The following NCOR2 variants were observed in gnomAD, a reference collection of about 807,000 sequenced individuals.
NCOR2 encodes nuclear receptor corepressor 2.
Under a neutral mutation model 262.9 loss-of-function variants are expected in NCOR2, and 81 were observed. That is an observed-to-expected ratio of 0.31 (90% CI 0.26 to 0.37). The LOEUF is 0.37. Ranked by LOEUF, NCOR2 falls within the 10% of genes least tolerant of loss-of-function variation. The pLI is 1.00. For missense variants in NCOR2, 3,385 were observed against 3,621.4 expected, an observed-to-expected ratio of 0.93 and a Z score of 1.68; for synonymous variants, 1,659 against 1,559.3, an observed-to-expected ratio of 1.06 and a Z score of -1.51.
In NCOR2 at chr12:124,340,472, C is replaced by A. The variant is rs200341292; in HGVS notation, c.5339-29G>T. 8.9e-5 allele frequency: 142 copies of A among 1,602,986 alleles called. No individual in the cohort carries two copies. In the African/African-American group the frequency reaches 1.7e-3, roughly 20 times the overall value. On this transcript the variant is annotated intron_variant, in intron 35 of 46. Transcript: ENST00000405201. ...GGAAACCCAAAGGCCAGAGACTCAG[C>A]CCCAGGGCCGAAGAAGAGCCTGGCT... is the stretch of plus-strand genomic sequence containing the variant.
chr12:124,396,680 G>A (rs543982678), intron 16 of NCOR2, among the ~76,000 whole-genome samples: 10 of 152,270 alleles, frequency 6.6e-5, no homozygotes, highest in East Asian at 1.9e-4. Context: ...CCTGGGGGGC[G>A]GAGGGCAGAC....
chr12:124,330,747 T>TCCTCGAGG, intron 44 of NCOR2, 98 bp downstream of exon 46: 1 of 1,330,924 alleles, frequency 7.5e-7, no homozygotes, highest in South Asian at 1.3e-5. Context: ...ACACCCAGAC[T>TCCTCGAGG]AGCGAAGGCT....
At chr12:124,334,065 AT>A (rs2135770400) in intron 41 of NCOR2, among the ~76,000 whole-genome samples, 1 of 136,740 alleles carries the variant, frequency 7.3e-6, no homozygotes, top group South Asian at 2.3e-4. Flanking sequence ...CCTGGAACAA[AT>A]CCCCCTCTGT....
intron 13 of NCOR2, among the ~76,000 whole-genome samples, chr12:124,404,717 G>A (rs182764565): frequency 1.5e-3 from 221 of 152,346 alleles, no homozygotes; most frequent in African/African-American, 5.2e-3. Flanking sequence ...GGCTGGTACA[G>A]AGGAGAAAAT....
intron 8 of NCOR2, among the ~76,000 whole-genome samples, chr12:124,431,185 C>T (rs1163116925): frequency 6.8e-6 from 1 of 146,522 alleles, no homozygotes; most frequent in Non-Finnish European, 1.5e-5. Context: ...CAAAGTCACA[C>T]AGACATGCAC....
chr12:124,487,426 T>A (rs1593781845), intron 1 of NCOR2, among the ~76,000 whole-genome samples: 1 of 152,254 alleles, frequency 6.6e-6, no homozygotes. Context: ...CCGTCGTCCA[T>A]TTGACAAAGA....
chr12:124,403,186 G>T (rs1267557830), intron 13 of NCOR2, among the ~76,000 whole-genome samples: 9 of 152,140 alleles, frequency 5.9e-5, no homozygotes, highest in Non-Finnish European at 1.3e-4. Context: ...ACGGGGAGGT[G>T]GGGGGATGCC....
intron 4 of NCOR2, among the ~76,000 whole-genome samples, chr12:124,470,167 G>GAAAAAA (rs56145231): frequency 9.5e-6 from 1 of 104,840 alleles, no homozygotes; most frequent in Non-Finnish European, 2.0e-5. Flanking sequence ...ATCCATCTCA[G>GAAAAAA]AAAAAAAAAA....
intron 1 of NCOR2, among the ~76,000 whole-genome samples, chr12:124,505,769 G>A (rs926157904): frequency 2.0e-5 from 3 of 152,140 alleles, no homozygotes; most frequent in South Asian, 2.1e-4. Context: ...CCGACCACTC[G>A]GGGGAAGGAG....
rs2047454102 is a variant in NCOR2 at position 124,481,147 on chromosome 12, AAG to A, written c.411+2447_411+2448del. ...CAGGGGGGCTGTTTGGGTGGAAAGA[AAG>A]AGAGGGAGGAAGAAGGAGGGAGGAA... On this transcript the variant is annotated intron_variant, in intron 3 of 46. Transcript: ENST00000405201. This position sits in a 1 kb window ranked among gnomAD's most constrained non-coding sequence, Gnocchi z 4.6. Among the ~76,000 whole-genome samples, 1 of 151,458 alleles carries A rather than the reference AAG, an allele frequency of 6.6e-6. No homozygotes were observed. The highest frequency in any genetic ancestry group is 2.4e-5 in the African/African-American group (1 of 41,192).
At chr12:124,337,917 C>T (rs7138007) in intron 37 of NCOR2, among the ~76,000 whole-genome samples, 25,935 of 152,204 alleles carry the variant, frequency 0.17, 2,446 homozygotes, top group East Asian at 0.42. Context: ...CATTCATGAG[C>T]GGGCAGTGGG....
At chr12:124,437,247 CT>C (rs2044395148) in intron 8 of NCOR2, among the ~76,000 whole-genome samples, 1 of 152,216 alleles carries the variant, frequency 6.6e-6, no homozygotes, top group Non-Finnish European at 1.5e-5. Context: ...TGAGTCCGCG[CT>C]TCTTCCCCTG....
intron 17 of NCOR2, among the ~76,000 whole-genome samples, chr12:124,381,653 C>T (rs1414547792): frequency 3.9e-5 from 6 of 152,332 alleles, no homozygotes; most frequent in Admixed American, 6.5e-5. Context: ...AGTTGAGGAG[C>T]TCAGATTTGA....
chr12:124,518,861 C>G (rs536397564), intron 1 of NCOR2, among the ~76,000 whole-genome samples: 2 of 152,210 alleles, frequency 1.3e-5, no homozygotes, highest in Admixed American at 6.5e-5. Flanking sequence ...CCAACCTGAG[C>G]GTAGCTCTGG....
intron 1 of NCOR2, among the ~76,000 whole-genome samples, chr12:124,501,224 A>G (rs1229509646): frequency 6.6e-6 from 1 of 152,014 alleles, no homozygotes; most frequent in East Asian, 1.9e-4. Flanking sequence ...CCCTGCGAAG[A>G]CAGGCAGGCC....
At chr12:124,335,895 G>A (rs1250360190) in intron 38 of NCOR2, 2 of 495,374 alleles carry the variant, frequency 4.0e-6, no homozygotes, top group South Asian at 3.3e-5. Flanking sequence ...TAGGCAAGAA[G>A]GGACAGAGAT....
At position 124,549,477 on chromosome 12, in the gene NCOR2, C is replaced by CT. The variant is rs1345725231; in HGVS notation, c.-164-13867dup. Reference sequence around the variant, plus strand: ...CTGGGGAGGAAGGCAACTGAGCCCCCTGCAGTAGAAACCCCCACCCGCGAG... The same window carrying CT: ...CTGGGGAGGAAGGCAACTGAGCCCCCTTGCAGTAGAAACCCCCACCCGCGAG... On this transcript the variant is annotated intron_variant, in intron 1 of 32. Transcript: ENST00000458234. The surrounding 1 kb of genome is among the most constrained non-coding windows in gnomAD (Gnocchi z 4.4). 6.6e-6 allele frequency among the ~76,000 whole-genome samples: 1 copy of CT among 152,080 alleles called. No homozygotes were observed. The highest frequency in any genetic ancestry group is 1.5e-5 in the Non-Finnish European group (1 of 67,980).
chr12:124,432,596 G>A lies in NCOR2; in HGVS notation c.883-1809C>T, dbSNP rs1005878999. Among the ~76,000 whole-genome samples, 3 of 152,096 alleles carry A rather than the reference G, an allele frequency of 2.0e-5. No homozygotes were observed. The highest frequency in any genetic ancestry group is 6.5e-5 in the Admixed American group (1 of 15,272). ...GCTGTGCTGTACAACATGCGGGCCCGTCAGCCCTGGGGAGGGGCAGCCGCC... is the reference window on the plus strand; with the variant it reads ...GCTGTGCTGTACAACATGCGGGCCCATCAGCCCTGGGGAGGGGCAGCCGCC... On this transcript the variant is annotated intron_variant, in intron 8 of 46. Transcript: ENST00000405201. The surrounding 1 kb of genome is among the most constrained non-coding windows in gnomAD (Gnocchi z 5.1).
chr12:124,456,203 G>C (rs1323424076), intron 6 of NCOR2, among the ~76,000 whole-genome samples: 4 of 152,154 alleles, frequency 2.6e-5, no homozygotes, highest in Non-Finnish European at 5.9e-5. Flanking sequence ...CTGCACCCTG[G>C]GCGCACTCAC....
Sources: allele counts gnomAD v4.1 joint callset (sites outside exome capture counted in the v4.1 genomes callset), GRCh38; gene constraint gnomAD v4.1.1; non-coding constraint Gnocchi (gnomAD v3.1); transcripts MANE v1.5; gene names NCBI Gene and HGNC (gene_info 2026-07-23, HGNC 2026-07-21).